The following FRRS1 variants were observed in gnomAD, a reference collection of about 807,000 sequenced individuals.
The protein encoded by FRRS1 is ferric chelate reductase 1.
A neutral mutation model predicts 70.7 loss-of-function variants in FRRS1; 51 were observed. The observed-to-expected ratio is 0.72, with a 90% confidence interval of 0.58 to 0.91. FRRS1 has a LOEUF of 0.91. FRRS1 is among the 40% of genes least tolerant of loss of function. FRRS1 has a pLI of 0.00. For synonymous variants in FRRS1, 225 were observed against 238.7 expected, an observed-to-expected ratio of 0.94 and a Z score of 0.53; for missense variants, 672 against 726.0, an observed-to-expected ratio of 0.93 and a Z score of 0.86.
intron 12 of FRRS1, among the ~76,000 whole-genome samples, chr1:99,713,545 T>C (rs998772528): frequency 3.3e-5 from 5 of 152,222 alleles, no homozygotes; most frequent in Admixed American, 2.6e-4. Flanking sequence ...TCATCAATCT[T>C]ATCCCTGTAG....
chr1:99,715,403 G>T (rs1051613770), intron 12 of FRRS1, among the ~76,000 whole-genome samples, 183 bp downstream of exon 12: 2 of 152,134 alleles, frequency 1.3e-5, no homozygotes, highest in Admixed American at 6.5e-5. Context: ...TAAGTAATCT[G>T]TACTGACATC....
intron 4 of FRRS1, among the ~76,000 whole-genome samples, chr1:99,745,749 G>A (rs2100977285): frequency 6.6e-6 from 1 of 152,272 alleles, no homozygotes; most frequent in East Asian, 1.9e-4. Context: ...CAACTCTCAA[G>A]TTAAATTGCA....
Position 99,719,516 on chromosome 1 carries a change from G to T in FRRS1, c.1120+18C>A, listed in dbSNP as rs763544515. The T allele has an allele frequency of 6.9e-6, 9 of 1,297,610 alleles. No homozygotes were observed. Among genetic ancestry groups the T allele is most frequent in the African/African-American group, 1.5e-5 (1 of 68,494 alleles). The allele number at this position is 1,297,610 out of a possible 1,614,324, so 80.4% of individuals were successfully genotyped here. ...GCAGGTAAGTTGATTCCACAAAGTA[G>T]TTACACATGTAACCTACCATGAACC... On this transcript the variant is annotated intron_variant, in intron 10 of 16. Transcript: ENST00000646001.
intron 10 of FRRS1, among the ~76,000 whole-genome samples, chr1:99,719,234 C>A (rs1435007404): frequency 6.6e-6 from 1 of 151,928 alleles, no homozygotes; most frequent in South Asian, 2.1e-4. Context: ...CATGGTGAAA[C>A]CCTGTCTCTA....
At chr1:99,731,847 G>A (rs1655405695) in intron 7 of FRRS1, among the ~76,000 whole-genome samples, 1 of 152,068 alleles carries the variant, frequency 6.6e-6, no homozygotes, top group South Asian at 2.1e-4. Flanking sequence ...TTTTAAAAAA[G>A]TAGAGATGGA....
intron 1 of FRRS1, among the ~76,000 whole-genome samples, chr1:99,758,058 A>C (rs1265837086): frequency 6.6e-6 from 1 of 152,126 alleles, no homozygotes; most frequent in East Asian, 1.9e-4. Context: ...GCTGGAGGGG[A>C]AAGAGGAACT....
Position 99,706,090 on chromosome 1 carries a change from A to AG in FRRS1, c.*2937_*2938insC, listed in dbSNP as rs1343982648. 6.6e-6 allele frequency among the ~76,000 whole-genome samples: 1 copy of AG among 152,130 alleles called. No individual in the cohort carries two copies. The highest frequency in any genetic ancestry group is 2.4e-5 in the African/African-American group (1 of 41,422). ...AGAATAATTTGGTTCTAATCAAAAG[A>AG]TTTGGTCTATTTGGGGCCAGGTGCA... On this transcript the variant is annotated 3_prime_UTR_variant, in exon 17 of 17. Coordinates refer to ENST00000646001, the MANE Select transcript of FRRS1 (RefSeq NM_001361041.2).
At chr1:99,727,719 G>A (rs776449947) in intron 9 of FRRS1, among the ~76,000 whole-genome samples, 39 of 152,048 alleles carry the variant, frequency 2.6e-4, no homozygotes, top group Non-Finnish European at 5.4e-4. Flanking sequence ...CAAAGTTTTG[G>A]AGCAATGTTA....
intron 7 of FRRS1, among the ~76,000 whole-genome samples, chr1:99,735,772 G>A (rs1011749658): frequency 1.3e-5 from 2 of 152,166 alleles, no homozygotes; most frequent in Admixed American, 1.3e-4. Flanking sequence ...TGCCATCAAT[G>A]CCTACAATTT....
intron 11 of FRRS1, among the ~76,000 whole-genome samples, chr1:99,716,208 G>T (rs533273075): frequency 6.6e-6 from 1 of 152,206 alleles, no homozygotes; most frequent in Non-Finnish European, 1.5e-5. Context: ...AACTGGTGCA[G>T]ACCAAAACTA....
At chr1:99,736,324 G>T (rs548856975) in intron 7 of FRRS1, among the ~76,000 whole-genome samples, 4 of 152,218 alleles carry the variant, frequency 2.6e-5, no homozygotes, top group African/African-American at 9.6e-5. Flanking sequence ...CAACTTGGAA[G>T]GGGAAGGATT....
intron 6 of FRRS1, among the ~76,000 whole-genome samples, chr1:99,738,813 G>A (rs756849264): frequency 2.0e-5 from 3 of 152,056 alleles, no homozygotes; most frequent in Non-Finnish European, 2.9e-5. Flanking sequence ...AAAAATGGTC[G>A]CCCCAATTTA....
rs2100890949 is a variant in FRRS1 at position 99,707,141 on chromosome 1, TA to T, written c.*1886del. 1.3e-5 allele frequency among the ~76,000 whole-genome samples: 2 copies of T among 151,926 alleles called. No individual in the cohort carries two copies. Among genetic ancestry groups the T allele is most frequent in the South Asian group, 4.2e-4 (2 of 4,816 alleles). Reference sequence around the variant, plus strand: ...CCCTAAGCCACTTATGATAAACACCTATAAAAGGAACAAAAACTAAACTTCC... The same window carrying T: ...CCCTAAGCCACTTATGATAAACACCTTAAAAGGAACAAAAACTAAACTTCC... On this transcript the variant is annotated 3_prime_UTR_variant, in exon 17 of 17. Coordinates refer to ENST00000646001, the MANE Select transcript of FRRS1 (RefSeq NM_001361041.2).
intron 7 of FRRS1, among the ~76,000 whole-genome samples, chr1:99,734,889 A>C (rs1655570973): frequency 6.6e-6 from 1 of 152,192 alleles, no homozygotes; most frequent in Non-Finnish European, 1.5e-5. Context: ...CTGGAGTCCA[A>C]GGGAGTTCAG....
In FRRS1 at chr1:99,747,361, G is replaced by A. The variant is rs771465898; in HGVS notation, c.266C>T (p.Pro89Leu). Residue 89 changes from proline (P) to leucine (L), a missense_variant, in exon 4 of 17, where the codon CCT becomes CTT. Transcript: ENST00000646001. ...AATCAATGTGAAGGAGCCAATAGGAGGGCCATTCAGATCCTCAGCATTACG... is the reference window on the plus strand; with the variant it reads ...AATCAATGTGAAGGAGCCAATAGGAAGGCCATTCAGATCCTCAGCATTACG... ...EARNAEDLNG[P>L]PIGSFTLIDS... 2 of 1,613,816 alleles carry A rather than the reference G, an allele frequency of 1.2e-6. No homozygotes were observed. Among genetic ancestry groups the A allele is most frequent in the Admixed American group, 3.3e-5 (2 of 60,016 alleles).
intron 1 of FRRS1, among the ~76,000 whole-genome samples, chr1:99,757,102 T>G (rs1656875243): frequency 6.6e-6 from 1 of 151,524 alleles, no homozygotes; most frequent in Non-Finnish European, 1.5e-5. Context: ...TTGCAATATA[T>G]AGTGGTTTTA....
intron 9 of FRRS1, among the ~76,000 whole-genome samples, chr1:99,727,553 T>C (rs966815957): frequency 6.6e-6 from 1 of 152,208 alleles, no homozygotes; most frequent in Non-Finnish European, 1.5e-5. Context: ...GGAGTCTGCT[T>C]TACCAAGAGC....
chr1:99,704,417 G>A lies in FRRS1; in HGVS notation c.*4611C>T, dbSNP rs1034241186. Among the ~76,000 whole-genome samples, 2 of 152,168 alleles carry A rather than the reference G, an allele frequency of 1.3e-5. No individual in the cohort carries two copies. The highest frequency in any genetic ancestry group is 6.5e-5 in the Admixed American group (1 of 15,282). ...TAAACTAGCTTTTGTAAGTGATAAC[G>A]GGAGGGAAGTGCTGGGAAGGGCGTG... is the stretch of plus-strand genomic sequence containing the variant. On this transcript the variant is annotated 3_prime_UTR_variant, in exon 17 of 17. Coordinates refer to ENST00000646001, the MANE Select transcript of FRRS1 (RefSeq NM_001361041.2).
intron 10 of FRRS1, 128 bp downstream of exon 10, chr1:99,719,406 T>TAAA (rs1654694318): frequency 2.5e-6 from 1 of 408,042 alleles, no homozygotes; most frequent in Non-Finnish European, 3.9e-6. Context: ...AGACTCCATC[T>TAAA]CAAAAAAAAA....
Sources: gnomAD v4.1 joint callset for allele counts (sites outside exome capture counted in the v4.1 genomes callset) on GRCh38, gnomAD v4.1.1 for gene constraint, MANE v1.5 for transcripts, NCBI Gene and HGNC (gene_info 2026-07-23, HGNC 2026-07-21) for gene names.